BICD1: variants seen among roughly 807,000 people sequenced by gnomAD.
BICD1 encodes BICD cargo adaptor 1.
BICD1 carries 35 observed loss-of-function variants against 92.5 expected under a neutral mutation model. The ratio of observed to expected loss-of-function variants is 0.38; its 90% CI spans 0.29 to 0.50. The LOEUF is 0.50. Ranked by LOEUF, BICD1 falls within the 20% of genes least tolerant of loss-of-function variation. The pLI is 0.93. For missense variants in BICD1, 950 were observed against 1,189.8 expected (o/e 0.80, Z 2.97); for synonymous variants, 429 against 465.1 (o/e 0.92, Z 1.00).
At chr12:32,242,048 CAAACAAAA>C (rs1946250555) in intron 2 of BICD1, among the ~76,000 whole-genome samples, 7 of 150,104 alleles carry the variant, frequency 4.7e-5, no homozygotes, top group African/African-American at 9.8e-5. Context: ...AACAAACAAA[CAAACAAAA>C]AAACAAAAAT....
At chr12:32,332,483 T>A in intron 5 of BICD1, 3 of 973,632 alleles carry the variant, frequency 3.1e-6, no homozygotes, top group Non-Finnish European at 3.7e-6. Flanking sequence ...AGTCAGTAAA[T>A]GCTTATGAAG....
chr12:32,369,934 A>G (rs1193318213), intron 9 of BICD1, among the ~76,000 whole-genome samples: 1 of 152,128 alleles, frequency 6.6e-6, no homozygotes, highest in African/African-American at 2.4e-5. Flanking sequence ...TAAAAAGAAA[A>G]ATACATTATA....
At chr12:32,348,102 ATTTTG>A (rs1301106790) in intron 8 of BICD1, among the ~76,000 whole-genome samples, 1 of 152,088 alleles carries the variant, frequency 6.6e-6, no homozygotes, top group African/African-American at 2.4e-5. Flanking sequence ...TCGTGTTTTT[ATTTTG>A]TTTTATTTTT....
At chr12:32,179,630 T>G (rs944187138) in intron 1 of BICD1, among the ~76,000 whole-genome samples, 1 of 152,012 alleles carries the variant, frequency 6.6e-6, no homozygotes, top group Non-Finnish European at 1.5e-5. Flanking sequence ...AAAATATTTT[T>G]CATAGCAGTA....
intron 2 of BICD1, among the ~76,000 whole-genome samples, chr12:32,252,189 A>G (rs1946582653): frequency 7.5e-6 from 1 of 133,754 alleles, no homozygotes; most frequent in Non-Finnish European, 1.5e-5. Context: ...TATAATATAT[A>G]CTATATATTT....
chr12:32,148,065 C>G (rs1308109281), intron 1 of BICD1, among the ~76,000 whole-genome samples: 1 of 142,336 alleles, frequency 7.0e-6, no homozygotes, highest in Non-Finnish European at 1.5e-5. Flanking sequence ...TCACTTGAGT[C>G]TGGGAGGTTG....
At chr12:32,360,894 G>A (rs1269262037) in intron 8 of BICD1, among the ~76,000 whole-genome samples, 1 of 152,166 alleles carries the variant, frequency 6.6e-6, no homozygotes, top group African/African-American at 2.4e-5. Flanking sequence ...ATATTCATCA[G>A]ATAGGAAGAG....
rs1333677878 is a variant in BICD1, at chr12:32,239,305, G to A, written c.426+22846G>A. ...TTGTTGGCCGGGCGCTGTGGCTTAC[G>A]CCTGTAATCCCAGCACTTTGGGAGG... On this transcript the variant is annotated intron_variant, in intron 2 of 9. Coordinates refer to ENST00000652176, the MANE Select transcript of BICD1 (RefSeq NM_001714.4). 4.7e-5 allele frequency among the ~76,000 whole-genome samples: 7 copies of A among 150,092 alleles called. No homozygotes were observed. The South Asian group carries it at 6.3e-4, about 14-fold the overall frequency.
intron 1 of BICD1, among the ~76,000 whole-genome samples, chr12:32,178,987 T>G (rs1944197459): frequency 6.6e-6 from 1 of 152,028 alleles, no homozygotes; most frequent in African/African-American, 2.4e-5. Context: ...CATCTGTTCC[T>G]TGGTTAAAAC....
intron 1 of BICD1, among the ~76,000 whole-genome samples, chr12:32,215,274 T>C (rs1015716539): frequency 1.3e-5 from 2 of 152,170 alleles, no homozygotes; most frequent in African/African-American, 4.8e-5. Flanking sequence ...AAAAGTGTCA[T>C]TCCACCTCAT....
At chr12:32,209,978 T>C (rs961131667) in intron 1 of BICD1, among the ~76,000 whole-genome samples, 1 of 152,214 alleles carries the variant, frequency 6.6e-6, no homozygotes, top group East Asian at 1.9e-4. Context: ...ACTGGGCATA[T>C]TGGCAACACA....
chr12:32,138,758 T>G (rs1942811463), intron 1 of BICD1, among the ~76,000 whole-genome samples: 1 of 152,176 alleles, frequency 6.6e-6, no homozygotes, highest in African/African-American at 2.4e-5. Context: ...GTATTAAATG[T>G]ATTTTTGACT....
chr12:32,314,449 C>T (rs994246151), intron 4 of BICD1, among the ~76,000 whole-genome samples: 1 of 152,178 alleles, frequency 6.6e-6, no homozygotes, highest in Non-Finnish European at 1.5e-5. Flanking sequence ...TATTATGTGC[C>T]TTTTCAATCA....
chr12:32,107,345 AGGTATTGCAGAC>A lies in BICD1; in HGVS notation c.18_29del (p.Leu7_Val10del). On this transcript the variant is annotated inframe_deletion, in exon 1 of 10. Coordinates refer to ENST00000652176, the MANE Select transcript of BICD1 (RefSeq NM_001714.4). ...TCCACCGGGGCTATGGCCGCAGAAG[AGGTATTGCAGAC>A]GGTGGACCATTATAAGACTGAGATA... is the stretch of plus-strand genomic sequence containing the variant. 6.2e-7 allele frequency: 1 copy of A among 1,604,996 alleles called. No homozygotes were observed. Among genetic ancestry groups the A allele is most frequent in the South Asian group, 1.1e-5 (1 of 88,890 alleles).
At chr12:32,356,900 AC>A (rs1354299773) in intron 8 of BICD1, among the ~76,000 whole-genome samples, 1 of 150,726 alleles carries the variant, frequency 6.6e-6, no homozygotes, top group Non-Finnish European at 1.5e-5. Context: ...CTGACATTCC[AC>A]TCCCGTCAGT....
chr12:32,184,576 C>T (rs973254978), intron 1 of BICD1, among the ~76,000 whole-genome samples: 6 of 152,140 alleles, frequency 3.9e-5, no homozygotes, highest in South Asian at 2.1e-4. Context: ...TGAGCCACCG[C>T]GCCCGGCCAA....
At chr12:32,272,763 A>G (rs767347349) in intron 2 of BICD1, among the ~76,000 whole-genome samples, 4 of 152,224 alleles carry the variant, frequency 2.6e-5, no homozygotes, top group African/African-American at 4.8e-5. Flanking sequence ...ACATATTAAA[A>G]CATTTTTAAA....
chr12:32,202,032 G>C (rs161966), intron 1 of BICD1, among the ~76,000 whole-genome samples: 50,672 of 152,132 alleles, frequency 0.33, 9,834 homozygotes, highest in East Asian at 0.5. Flanking sequence ...ATGTGAACCA[G>C]CAGAAATAAC....
At chr12:32,224,443 C>T (rs529930529) in intron 2 of BICD1, among the ~76,000 whole-genome samples, 1 of 152,316 alleles carries the variant, frequency 6.6e-6, no homozygotes, top group South Asian at 2.1e-4. Flanking sequence ...AGCGCATATG[C>T]GATTCCACAG....
Sources: gnomAD v4.1 joint callset for allele counts (sites outside exome capture counted in the v4.1 genomes callset) on GRCh38, gnomAD v4.1.1 for gene constraint, MANE v1.5 for transcripts, NCBI Gene and HGNC (gene_info 2026-07-23, HGNC 2026-07-21) for gene names.